Variants in RPS6KC1 observed in about 807,000 individuals in gnomAD.
RPS6KC1 encodes ribosomal protein S6 kinase C1, also known as inactive ribosomal protein S6 kinase delta-1.
RPS6KC1 carries 54 observed loss-of-function variants against 103.8 expected under a neutral mutation model. The observed-to-expected ratio is 0.52, with a 90% CI of 0.42 to 0.65. RPS6KC1 has a LOEUF of 0.65. Among genes scored for constraint, RPS6KC1 ranks in the 30% least tolerant of loss-of-function variants. The pLI, the probability that RPS6KC1 is intolerant of heterozygous loss-of-function variation, is 0.00. For synonymous variants in RPS6KC1, 439 were observed against 438.7 expected (o/e 1.00, Z -0.01); for missense variants, 1,151 against 1,253.8 (o/e 0.92, Z 1.24).
the RPS6KC1 span, among the ~76,000 whole-genome samples, chr1:213,412,730 C>T: frequency 6.6e-6 from 1 of 152,178 alleles, no homozygotes; most frequent in Non-Finnish European, 1.5e-5. Context: ...CTGACTATAC[C>T]CAGGGATGCA....
At chr1:213,654,050 A>G in the RPS6KC1 span, among the ~76,000 whole-genome samples, 1 of 152,242 alleles carries the variant, frequency 6.6e-6, no homozygotes, top group African/African-American at 2.4e-5. Flanking sequence ...ACAGATGGGC[A>G]AACTGTGCTA....
At chr1:213,092,244 A>G (rs958556740) in intron 3 of RPS6KC1, among the ~76,000 whole-genome samples, 1 of 152,346 alleles carries the variant, frequency 6.6e-6, no homozygotes, top group Non-Finnish European at 1.5e-5. Flanking sequence ...ACACACATAT[A>G]TACATATACA....
the RPS6KC1 span, among the ~76,000 whole-genome samples, chr1:213,496,506 T>C: frequency 6.6e-6 from 1 of 152,128 alleles, no homozygotes; most frequent in African/African-American, 2.4e-5. Flanking sequence ...TCCCGTAATC[T>C]TAGCACTTTG....
chr1:213,681,222 A>G, the RPS6KC1 span, among the ~76,000 whole-genome samples: 1 of 152,158 alleles, frequency 6.6e-6, no homozygotes, highest in Non-Finnish European at 1.5e-5. Context: ...CATGTCTTGA[A>G]TCTCAGCCAG....
the RPS6KC1 span, among the ~76,000 whole-genome samples, chr1:213,298,560 C>T: frequency 6.6e-6 from 1 of 151,998 alleles, no homozygotes; most frequent in Non-Finnish European, 1.5e-5. Flanking sequence ...TTTCTGTTAG[C>T]TAAGTTTGAG....
chr1:213,592,154 A>T, the RPS6KC1 span, among the ~76,000 whole-genome samples: 1 of 152,168 alleles, frequency 6.6e-6, no homozygotes, highest in African/African-American at 2.4e-5. Flanking sequence ...AAGTTGTTGG[A>T]TTTGGTATTC....
intron 12 of RPS6KC1, among the ~76,000 whole-genome samples, chr1:213,253,571 G>A (rs1368834859): frequency 6.6e-6 from 1 of 152,134 alleles, no homozygotes; most frequent in East Asian, 1.9e-4. Flanking sequence ...TCAATTTCCA[G>A]TATAATGTTA....
chr1:213,198,681 A>T (rs1281108651), intron 8 of RPS6KC1, among the ~76,000 whole-genome samples: 5 of 152,224 alleles, frequency 3.3e-5, no homozygotes, highest in Non-Finnish European at 5.9e-5. Context: ...ATTTTCAAGA[A>T]ACTGAATCAA....
rs1434400181 is a variant in RPS6KC1, at chr1:213,067,495, C to T, written c.106-3511C>T. On this transcript the variant is annotated intron_variant, in intron 1 of 14. Transcript: ENST00000366960. ...ACATTAAGAGCCTTACATCACTAAA[C>T]CATGACTGGTTGACTGCTTTTGGGA... Among the ~76,000 whole-genome samples, 2 of 152,152 alleles carry T rather than the reference C, an allele frequency of 1.3e-5. 1 individual carries two copies. Among genetic ancestry groups the T allele is most frequent in the South Asian group, 4.1e-4 (2 of 4,824 alleles).
the RPS6KC1 span, among the ~76,000 whole-genome samples, chr1:213,726,890 A>T: frequency 6.6e-6 from 1 of 152,258 alleles, no homozygotes; most frequent in Non-Finnish European, 1.5e-5. Flanking sequence ...ATGTGCTGCA[A>T]ATAAACCCAG....
chr1:213,319,033 C>T, the RPS6KC1 span, among the ~76,000 whole-genome samples: 3 of 152,248 alleles, frequency 2.0e-5, no homozygotes, highest in South Asian at 4.1e-4. Flanking sequence ...TAGCTGGGTG[C>T]GGTGGCTCAC....
intron 12 of RPS6KC1, among the ~76,000 whole-genome samples, chr1:213,255,531 T>C (rs1322452317): frequency 1.3e-5 from 2 of 152,202 alleles, no homozygotes; most frequent in Non-Finnish European, 2.9e-5. Flanking sequence ...ATCGTGTTGC[T>C]TTATATATAA....
the RPS6KC1 span, among the ~76,000 whole-genome samples, chr1:213,446,726 G>A: frequency 2.6e-5 from 4 of 152,184 alleles, no homozygotes; most frequent in Admixed American, 6.5e-5. Context: ...GTCAGATACT[G>A]TGCAGTAGCT....
the RPS6KC1 span, among the ~76,000 whole-genome samples, chr1:213,846,860 T>G: frequency 6.7e-6 from 1 of 149,582 alleles, no homozygotes; most frequent in Non-Finnish European, 1.5e-5. Flanking sequence ...TTTATCCAAT[T>G]TATAAGCTCT....
chr1:213,724,848 T>C, the RPS6KC1 span, among the ~76,000 whole-genome samples: 1 of 152,202 alleles, frequency 6.6e-6, no homozygotes, highest in Non-Finnish European at 1.5e-5. Context: ...CTGTGCCTGC[T>C]CTTATGCATC....
chr1:213,848,958 C>G, the RPS6KC1 span, among the ~76,000 whole-genome samples: 1 of 151,966 alleles, frequency 6.6e-6, no homozygotes, highest in Non-Finnish European at 1.5e-5. Context: ...AAGGAGGAGA[C>G]AAAATCAAAG....
the RPS6KC1 span, among the ~76,000 whole-genome samples, chr1:213,652,715 G>A: frequency 2.6e-5 from 4 of 152,162 alleles, no homozygotes; most frequent in African/African-American, 9.7e-5. Context: ...CCACATGGAG[G>A]AGAACTGAGG....
the RPS6KC1 span, among the ~76,000 whole-genome samples, chr1:213,463,549 T>C: frequency 6.6e-6 from 1 of 152,212 alleles, no homozygotes; most frequent in East Asian, 1.9e-4. Flanking sequence ...TTCACCAGGA[T>C]CTATCTACTT....
At chr1:213,632,653 C>T in the RPS6KC1 span, among the ~76,000 whole-genome samples, 1 of 152,210 alleles carries the variant, frequency 6.6e-6, no homozygotes, top group Non-Finnish European at 1.5e-5. Context: ...CAAAGGATCG[C>T]AGCTCCTCGC....
Sources: gnomAD v4.1 joint callset for allele counts (sites outside exome capture counted in the v4.1 genomes callset) on GRCh38, gnomAD v4.1.1 for gene constraint, MANE v1.5 for transcripts, NCBI Gene and HGNC (gene_info 2026-07-23, HGNC 2026-07-21) for gene names.